The following KIF1A variants were observed in gnomAD, a reference collection of about 807,000 sequenced individuals.
KIF1A encodes kinesin family member 1A.
In KIF1A, 46 loss-of-function variants were observed where a neutral mutation model predicts 227.3. That is an observed-to-expected ratio of 0.20 (90% confidence interval 0.16 to 0.26). The LOEUF is 0.26. Ranked by LOEUF, KIF1A falls within the 10% of genes least tolerant of loss-of-function variation. KIF1A has a pLI of 1.00. For synonymous variants in KIF1A, 1,022 were observed against 1,012.8 expected, an observed-to-expected ratio of 1.01 and a Z score of -0.17; for missense variants, 1,683 against 2,485.9, an observed-to-expected ratio of 0.68 and a Z score of 6.87.
chr2:240,723,893 G>T, intron 41 of KIF1A, 82 bp downstream of exon 41: 1 of 1,179,638 alleles, frequency 8.5e-7, no homozygotes, highest in Non-Finnish European at 1.3e-6. Flanking sequence ...CCTGCAAATG[G>T]CAGCTTCGCT....
In KIF1A at chr2:240,723,567, G is replaced by A. The variant is rs1163200404; in HGVS notation, c.4319-9C>T. 8.5e-6 allele frequency: 13 copies of A among 1,529,692 alleles called. No individual in the cohort carries two copies. The highest frequency in any genetic ancestry group is 1.1e-5 in the Non-Finnish European group (12 of 1,131,396). The allele number at this position is 1,529,692 out of a possible 1,614,324, so 94.8% of individuals were successfully genotyped here. ...GCGCCGGCGCTGCATCCCTGCATGGGGCACGTGGACATTCCACCCCTACCT... is the reference window on the plus strand; with the variant it reads ...GCGCCGGCGCTGCATCCCTGCATGGAGCACGTGGACATTCCACCCCTACCT... On this transcript the variant is annotated splice_polypyrimidine_tract_variant and intron_variant, in intron 41 of 48. Coordinates refer to ENST00000498729, the MANE Select transcript of KIF1A (RefSeq NM_001244008.2).
intron 14 of KIF1A, among the ~76,000 whole-genome samples, chr2:240,771,931 C>T (rs1380763336): frequency 6.6e-6 from 1 of 152,204 alleles, no homozygotes; most frequent in African/African-American, 2.4e-5. Context: ...AGCAGAGCAG[C>T]AGCAAGCACG....
chr2:240,765,373 A>C (rs986731598), intron 20 of KIF1A, among the ~76,000 whole-genome samples: 3 of 152,230 alleles, frequency 2.0e-5, no homozygotes, highest in Non-Finnish European at 4.4e-5. Context: ...TGTATCCCCC[A>C]GACCAGCCCG....
chr2:240,781,837 T>C (rs1257933368), intron 10 of KIF1A: 12 of 985,306 alleles, frequency 1.2e-5, no homozygotes, highest in Non-Finnish European at 1.2e-5. Context: ...CCCCACTCAG[T>C]CCACACGCCT....
chr2:240,724,454 C>T (rs1199512549), intron 40 of KIF1A: 2 of 257,496 alleles, frequency 7.8e-6, no homozygotes, highest in African/African-American at 4.6e-5. Context: ...GGCCACCCTC[C>T]CACAGACAGG....
In KIF1A at chr2:240,797,867, C is replaced by T. The variant is rs2056575746; in HGVS notation, c.-60-55G>A. The T allele has an allele frequency of 2.3e-5, 15 of 658,846 alleles. 1 individual carries two copies. The Middle Eastern group carries it at 1.2e-3, about 55-fold the overall frequency. The allele number at this position is 658,846 out of a possible 1,614,324, so 40.8% of individuals were successfully genotyped here. ...ACAATATCTGAGGAGGCAGGACAGGCACTCCGGCTGCAGCTGAAGCCACAG... is the reference window on the plus strand; with the variant it reads ...ACAATATCTGAGGAGGCAGGACAGGTACTCCGGCTGCAGCTGAAGCCACAG... On this transcript the variant is annotated intron_variant, in intron 1 of 48. Coordinates refer to ENST00000498729, the MANE Select transcript of KIF1A (RefSeq NM_001244008.2).
At chr2:240,744,339 G>A (rs1188732018) in intron 32 of KIF1A, among the ~76,000 whole-genome samples, 1 of 152,176 alleles carries the variant, frequency 6.6e-6, no homozygotes, top group African/African-American at 2.4e-5. Context: ...ACGGAGCTGG[G>A]AAAGGTGACA....
At chr2:240,737,297 G>T in intron 37 of KIF1A, 129 bp from the exon 38 acceptor site, 1 of 717,482 alleles carries the variant, frequency 1.4e-6, no homozygotes, top group Non-Finnish European at 2.5e-6. Context: ...TGTCAAAGGC[G>T]GTGCCAGGGG....
chr2:240,736,463 C>T lies in KIF1A; in HGVS notation c.4007+600G>A, dbSNP rs2047335239. Among the ~76,000 whole-genome samples, 1 of 152,164 alleles carries T rather than the reference C, an allele frequency of 6.6e-6. No individual in the cohort carries two copies. Among genetic ancestry groups the T allele is most frequent in the Admixed American group, 6.5e-5 (1 of 15,290 alleles). On this transcript the variant is annotated intron_variant, in intron 38 of 48. Coordinates refer to ENST00000498729, the MANE Select transcript of KIF1A (RefSeq NM_001244008.2). The surrounding 1 kb of genome is among the most constrained non-coding windows in gnomAD (Gnocchi z 4.7). ...CTGCCCAGGCCAACCGCAGGGGCTGCCTCCCTCTCCCATCCCCTAACCCCA... is the reference window on the plus strand; with the variant it reads ...CTGCCCAGGCCAACCGCAGGGGCTGTCTCCCTCTCCCATCCCCTAACCCCA...
intron 1 of KIF1A, among the ~76,000 whole-genome samples, chr2:240,807,130 G>GTATATATATA (rs57742435): frequency 8.4e-6 from 1 of 119,450 alleles, no homozygotes; most frequent in African/African-American, 3.0e-5. Flanking sequence ...GTGTGTGTGT[G>GTATATATATA]TATATATATA....
intron 38 of KIF1A, among the ~76,000 whole-genome samples, chr2:240,732,552 A>G (rs1464978895): frequency 3.5e-5 from 2 of 57,368 alleles, no homozygotes; most frequent in Middle Eastern, 0.014. Context: ...GGAATGAGGG[A>G]GGGATGGGGG....
chr2:240,811,192 C>T (rs1382262222), intron 1 of KIF1A, among the ~76,000 whole-genome samples: 1 of 152,060 alleles, frequency 6.6e-6, no homozygotes, highest in East Asian at 1.9e-4. Flanking sequence ...TGTTGAAACC[C>T]TGTCTCTACT....
At chr2:240,797,514 C>A in intron 2 of KIF1A, 133 bp downstream of exon 2, 2 of 647,858 alleles carry the variant, frequency 3.1e-6, no homozygotes, top group Non-Finnish European at 5.5e-6. Context: ...CCCAGGACAC[C>A]CACACGCCAC....
chr2:240,818,292 C>A (rs1437963928), intron 1 of KIF1A, among the ~76,000 whole-genome samples: 2 of 152,174 alleles, frequency 1.3e-5, no homozygotes, highest in Admixed American at 6.5e-5. Flanking sequence ...AGCACCCTCC[C>A]GAGACTTCAC....
At position 240,725,538 on chromosome 2, in the gene KIF1A, C is replaced by T; in HGVS notation, c.4123-134G>A. The stretch of plus-strand genomic sequence containing the variant: ...GGCCTTCCCAGGGCCTCAGGTGTGG[C>T]CTGGACGCAGGCAGGAGAAAGTCTC... On this transcript the variant is annotated intron_variant, in intron 39 of 48. Coordinates refer to ENST00000498729, the MANE Select transcript of KIF1A (RefSeq NM_001244008.2). This position sits in a 1 kb window ranked among gnomAD's most constrained non-coding sequence, Gnocchi z 5.8. The T allele has an allele frequency of 5.4e-6, 5 of 931,736 alleles. No homozygotes were observed. The Admixed American group carries it at 1.1e-4, about 21-fold the overall frequency. The allele number at this position is 931,736 out of a possible 1,614,324, so 57.7% of individuals were successfully genotyped here. A position where few individuals can be genotyped will look rare whatever the true frequency, so the allele number is the denominator to read the frequency against.
chr2:240,793,336 C>T lies in KIF1A; in HGVS notation c.107-4024G>A, dbSNP rs1025330799. 1.3e-5 allele frequency among the ~76,000 whole-genome samples: 2 copies of T among 152,224 alleles called. No individual in the cohort carries two copies. The highest frequency in any genetic ancestry group is 4.8e-5 in the African/African-American group (2 of 41,456). On this transcript the variant is annotated intron_variant, in intron 2 of 48. Coordinates refer to ENST00000498729, the MANE Select transcript of KIF1A (RefSeq NM_001244008.2). This position sits in a 1 kb window ranked among gnomAD's most constrained non-coding sequence, Gnocchi z 4.8. ...TACCCAGCACCACCCCTCACTACTGCACAGGTGGGGAAACTGAGGCCCAAA... is the reference window on the plus strand; with the variant it reads ...TACCCAGCACCACCCCTCACTACTGTACAGGTGGGGAAACTGAGGCCCAAA...
Position 240,719,201 on chromosome 2 carries a change from G to T in KIF1A, c.5022-3C>A. On this transcript the variant is annotated splice_polypyrimidine_tract_variant and splice_region_variant and intron_variant, in intron 46 of 48. Coordinates refer to ENST00000498729, the MANE Select transcript of KIF1A (RefSeq NM_001244008.2). ...ACCCCTTCTTGGAAACGATCGGGCT[G>T]AAGGCAGAGAGAGCTGCTCGCTGGG... The T allele has an allele frequency of 6.2e-7, 1 of 1,600,562 alleles. No individual in the cohort carries two copies. The highest frequency in any genetic ancestry group is 1.1e-5 in the South Asian group (1 of 89,910).
chr2:240,758,292 C>A lies in KIF1A; in HGVS notation c.2582+68G>T. 1 of 1,549,120 alleles carries A rather than the reference C, an allele frequency of 6.5e-7. No individual in the cohort carries two copies. Among genetic ancestry groups the A allele is most frequent in the Non-Finnish European group, 8.7e-7 (1 of 1,144,206 alleles). On this transcript the variant is annotated intron_variant, in intron 26 of 48. Transcript: ENST00000498729. This position sits in a 1 kb window ranked among gnomAD's most constrained non-coding sequence, Gnocchi z 5.2. ...GCTCCTTGTATCAGGCCAGGGCCCA[C>A]TCCTACCCCCACTGCCATCTCTCTC...
At chr2:240,786,692 A>G (rs60017867) in intron 5 of KIF1A, among the ~76,000 whole-genome samples, 179 bp from the exon 6 acceptor site, 57 of 32,444 alleles carry the variant, frequency 1.8e-3, no homozygotes, top group African/African-American at 3.3e-3. Flanking sequence ...CCCTGAGGGG[A>G]TGGGAGCCAG....
Sources: allele counts gnomAD v4.1 joint callset (sites outside exome capture counted in the v4.1 genomes callset), GRCh38; gene constraint gnomAD v4.1.1; non-coding constraint Gnocchi (gnomAD v3.1); transcripts MANE v1.5; gene names NCBI Gene and HGNC (gene_info 2026-07-23, HGNC 2026-07-21).